Variants in HTR4 observed in about 807,000 individuals in gnomAD.
HTR4 encodes the protein 5-hydroxytryptamine (serotonin) receptor 4, G protein-coupled.
Under a neutral mutation model 36.8 loss-of-function variants are expected in HTR4, and 16 were observed. That is an observed-to-expected ratio of 0.43 (90% CI 0.29 to 0.66). The LOEUF (loss-of-function observed/expected upper bound fraction) is 0.66, where lower values mean the gene tolerates loss of function less well. Ranked by LOEUF, HTR4 falls within the 30% of genes least tolerant of loss-of-function variation. The pLI is 0.13. For missense variants in HTR4, 438 were observed against 490.9 expected (o/e 0.89, Z 1.02); for synonymous variants, 189 against 185.1 (o/e 1.02, Z -0.17).
chr5:148,457,950 T>G (rs953032291), intron 5 of HTR4, among the ~76,000 whole-genome samples: 2 of 135,860 alleles, frequency 1.5e-5, no homozygotes, highest in Non-Finnish European at 3.1e-5. Flanking sequence ...TAAGATATAT[T>G]AAATATATAT....
chr5:148,545,065 A>C (rs1367237060), intron 4 of HTR4, among the ~76,000 whole-genome samples: 3 of 152,226 alleles, frequency 2.0e-5, no homozygotes, highest in Non-Finnish European at 4.4e-5. Flanking sequence ...ACAGAGCTAG[A>C]TGATAAATAA....
intron 2 of HTR4, among the ~76,000 whole-genome samples, chr5:148,618,294 G>T (rs1398579962): frequency 6.6e-6 from 1 of 152,112 alleles, no homozygotes; most frequent in Non-Finnish European, 1.5e-5. Context: ...CAAAATCAGG[G>T]TTCTATCCGC....
At chr5:148,469,159 A>T (rs921968347) in intron 5 of HTR4, among the ~76,000 whole-genome samples, 2 of 152,200 alleles carry the variant, frequency 1.3e-5, no homozygotes, top group Non-Finnish European at 2.9e-5. Context: ...ACAAATTTAC[A>T]TACTGCTCCA....
chr5:148,574,685 T>C (rs935947359), intron 2 of HTR4, among the ~76,000 whole-genome samples: 1 of 152,074 alleles, frequency 6.6e-6, no homozygotes, highest in African/African-American at 2.4e-5. Context: ...GCTGACCTCA[T>C]CACACCACCA....
At chr5:148,536,921 A>G (rs1192109413) in intron 4 of HTR4, among the ~76,000 whole-genome samples, 1 of 152,152 alleles carries the variant, frequency 6.6e-6, no homozygotes, top group Admixed American at 6.6e-5. Context: ...CCACCCCAAA[A>G]CAACAGAATA....
chr5:148,600,977 A>G (rs1057150754), intron 2 of HTR4, among the ~76,000 whole-genome samples: 17 of 17,892 alleles, frequency 9.5e-4, no homozygotes, highest in Admixed American at 2.3e-3. Context: ...ACTCAATAGC[A>G]AAAAAAAAAA....
chr5:148,487,125 A>G (rs774784740), intron 6 of HTR4, among the ~76,000 whole-genome samples: 3 of 152,166 alleles, frequency 2.0e-5, no homozygotes, highest in African/African-American at 4.8e-5. Context: ...TTAATCTTCA[A>G]TGCAAATCTG....
chr5:148,624,561 T>C (rs1188229773), intron 2 of HTR4, among the ~76,000 whole-genome samples: 1 of 152,174 alleles, frequency 6.6e-6, no homozygotes, highest in Non-Finnish European at 1.5e-5. Flanking sequence ...AAAAGGCATG[T>C]TGTCCCTGTC....
At chr5:148,573,494 G>C (rs569791620) in intron 2 of HTR4, among the ~76,000 whole-genome samples, 18 of 152,130 alleles carry the variant, frequency 1.2e-4, no homozygotes, top group Non-Finnish European at 2.2e-4. Context: ...TAGAACGTGG[G>C]GGGTTAAAGT....
chr5:148,640,849 T>C (rs917064547), intron 1 of HTR4, among the ~76,000 whole-genome samples: 6 of 152,186 alleles, frequency 3.9e-5, no homozygotes, highest in Admixed American at 6.5e-5. Flanking sequence ...TGTGAAAATG[T>C]TACAACACAA....
intron 6 of HTR4, among the ~76,000 whole-genome samples, chr5:148,500,174 TG>T (rs1172736847): frequency 6.6e-6 from 1 of 152,290 alleles, no homozygotes; most frequent in East Asian, 1.9e-4. Context: ...GACACCTATA[TG>T]GGGTTGTCAA....
In HTR4 at chr5:148,529,935, C is replaced by T. The variant is rs557582487; in HGVS notation, c.354-6589G>A. 1.3e-4 allele frequency among the ~76,000 whole-genome samples: 20 copies of T among 152,226 alleles called. No individual in the cohort carries two copies. The East Asian group carries it at 3.3e-3, about 25-fold the overall frequency. The stretch of plus-strand genomic sequence containing the variant: ...GCAAAGAGATTGGTGGCATTTTACC[C>T]CTGCCTTAGAGATTTGTGGAACTTT... On this transcript the variant is annotated intron_variant, in intron 4 of 6. Transcript: ENST00000377888.
At chr5:148,525,933 C>T (rs1241759111) in intron 4 of HTR4, among the ~76,000 whole-genome samples, 1 of 152,106 alleles carries the variant, frequency 6.6e-6, no homozygotes, top group Non-Finnish European at 1.5e-5. Flanking sequence ...AATTTTGACA[C>T]AGAAACTGAT....
intron 4 of HTR4, among the ~76,000 whole-genome samples, chr5:148,538,546 T>G (rs1222848775): frequency 6.6e-6 from 1 of 152,076 alleles, no homozygotes; most frequent in South Asian, 2.1e-4. Flanking sequence ...ACAAAATCAA[T>G]GTACAAAAAT....
At chr5:148,476,491 T>A, downstream of HTR4, 1 of 1,077,838 alleles carries the variant, frequency 9.3e-7, no homozygotes, top group Non-Finnish European at 1.2e-6. Flanking sequence ...CAGAAAGAGT[T>A]TTCTCTTATC....
downstream of HTR4, among the ~76,000 whole-genome samples, chr5:148,478,803 T>A (rs1439321322): frequency 6.6e-6 from 1 of 152,156 alleles, no homozygotes; most frequent in Non-Finnish European, 1.5e-5. Context: ...GCATTTTATA[T>A]GTGAGAAGAT....
intron 5 of HTR4, among the ~76,000 whole-genome samples, chr5:148,468,651 T>C (rs1319248125): frequency 6.6e-6 from 1 of 152,180 alleles, no homozygotes; most frequent in Non-Finnish European, 1.5e-5. Flanking sequence ...TATCCTAGCA[T>C]GGCAAAACCC....
chr5:148,490,936 C>A (rs1756394507), intron 6 of HTR4: 1 of 422,104 alleles, frequency 2.4e-6, no homozygotes, highest in African/African-American at 2.1e-5. Context: ...ATTTATATGT[C>A]ATAAATTCTG....
At chr5:148,569,873 G>T (rs1760605945) in intron 2 of HTR4, among the ~76,000 whole-genome samples, 3 of 152,044 alleles carry the variant, frequency 2.0e-5, no homozygotes, top group Admixed American at 2.0e-4. Context: ...TATTGAAGAT[G>T]ATGGGAGACT....
Sources: allele counts gnomAD v4.1 joint callset (sites outside exome capture counted in the v4.1 genomes callset), GRCh38; gene constraint gnomAD v4.1.1; transcripts MANE v1.5; gene names NCBI Gene and HGNC (gene_info 2026-07-23, HGNC 2026-07-21).